CAPN13: variants seen among roughly 807,000 people sequenced by gnomAD.
The protein encoded by CAPN13 is calpain 13.
A neutral mutation model predicts 98.4 loss-of-function variants in CAPN13; 90 were observed. The ratio of observed to expected loss-of-function variants is 0.92; its 90% CI spans 0.77 to 1.09. The LOEUF (loss-of-function observed/expected upper bound fraction) is 1.09. Among genes scored for constraint, CAPN13 ranks in the 50% least tolerant of loss-of-function variants. CAPN13 has a pLI of 0.00. For synonymous variants in CAPN13, 330 were observed against 305.5 expected (o/e 1.08, Z -0.84); for missense variants, 887 against 841.3 (o/e 1.05, Z -0.67).
chr2:30,796,606 G>A lies in CAPN13; in HGVS notation c.-32-9249C>T, dbSNP rs546463077. On this transcript the variant is annotated intron_variant, in intron 1 of 22. Transcript: ENST00000295055. ...GTGGAAATCAAGAGCAATTAACCAAGCAGATAGCAGAATCAAAATTCTAAA... is the reference window on the plus strand; with the variant it reads ...GTGGAAATCAAGAGCAATTAACCAAACAGATAGCAGAATCAAAATTCTAAA... Among the ~76,000 whole-genome samples, 9 of 152,156 alleles carry A rather than the reference G, an allele frequency of 5.9e-5. No individual in the cohort carries two copies. The South Asian group carries it at 1.9e-3, about 32-fold the overall frequency.
chr2:30,798,024 C>T (rs915729031), intron 1 of CAPN13, among the ~76,000 whole-genome samples: 15 of 152,302 alleles, frequency 9.8e-5, no homozygotes, highest in East Asian at 3.9e-4. Context: ...GCAGTTCAGA[C>T]GGTGGAAGGA....
rs968631655 is a variant in CAPN13, at chr2:30,802,549, G to GC, written c.-33+4752_-33+4753insG. 2.5e-4 allele frequency among the ~76,000 whole-genome samples: 37 copies of GC among 150,424 alleles called. No individual in the cohort carries two copies. In the Middle Eastern group the frequency reaches 0.01, roughly 41 times the overall value. On this transcript the variant is annotated intron_variant, in intron 1 of 22. Transcript: ENST00000295055. ...AAGCAGAGAAAGGCAGGCTGGGGGG[G>GC]GGGGGTGGTGGTTAGACCTCTGAGG...
At chr2:30,734,628 C>T (rs932418899) in intron 18 of CAPN13, 104 bp from the exon 19 acceptor site, 21 of 857,462 alleles carry the variant, frequency 2.4e-5, no homozygotes, top group Non-Finnish European at 3.5e-5. Context: ...GAGGAAGGCA[C>T]GGTCACAGCA....
At chr2:30,748,091 G>T (rs66525035) in intron 11 of CAPN13, among the ~76,000 whole-genome samples, 10,280 of 152,270 alleles carry the variant, frequency 0.068, 630 homozygotes, top group African/African-American at 0.16. Context: ...CGTGTGTGCC[G>T]GGGCAGCTCT....
chr2:30,789,293 G>C (rs1674487603), intron 1 of CAPN13, among the ~76,000 whole-genome samples: 1 of 152,206 alleles, frequency 6.6e-6, no homozygotes, highest in African/African-American at 2.4e-5. Flanking sequence ...CATGCTCGGG[G>C]ACAGTGGAAC....
At chr2:30,759,678 G>C (rs946171947) in intron 7 of CAPN13, among the ~76,000 whole-genome samples, 1 of 152,214 alleles carries the variant, frequency 6.6e-6, no homozygotes, top group African/African-American at 2.4e-5. Flanking sequence ...GAGAAGCTGA[G>C]CAACTTTCTC....
At chr2:30,763,495 C>T (rs1672950331) in intron 6 of CAPN13, among the ~76,000 whole-genome samples, 1 of 152,218 alleles carries the variant, frequency 6.6e-6, no homozygotes. Flanking sequence ...ATCACTTGAC[C>T]CCCACATTGG....
chr2:30,758,783 TC>T (rs1672601908), intron 7 of CAPN13, among the ~76,000 whole-genome samples: 2 of 28,784 alleles, frequency 6.9e-5, no homozygotes, highest in African/African-American at 1.4e-4. Flanking sequence ...CCTCCCTCCC[TC>T]CCTTTCCTTT....
At chr2:30,750,976 C>G in intron 11 of CAPN13, 127 bp downstream of exon 11, 2 of 1,051,254 alleles carry the variant, frequency 1.9e-6, no homozygotes, top group South Asian at 3.3e-5. Flanking sequence ...AATGCTACAG[C>G]CTCTTTGGGC....
intron 5 of CAPN13, among the ~76,000 whole-genome samples, chr2:30,767,082 G>A (rs533417441): frequency 5.9e-5 from 9 of 152,336 alleles, no homozygotes; most frequent in African/African-American, 1.9e-4. Context: ...GGGATGGTGG[G>A]AAGGCATGGG....
chr2:30,735,361 C>A (rs1671306204), intron 18 of CAPN13, among the ~76,000 whole-genome samples: 1 of 152,202 alleles, frequency 6.6e-6, no homozygotes, highest in Non-Finnish European at 1.5e-5. Context: ...GCAAAGTACC[C>A]ACACACAGGC....
At chr2:30,785,705 A>G (rs1674237896) in intron 2 of CAPN13, among the ~76,000 whole-genome samples, 1 of 152,166 alleles carries the variant, frequency 6.6e-6, no homozygotes, top group Non-Finnish European at 1.5e-5. Context: ...ATTCTTCAAC[A>G]CTATAAATAT....
At chr2:30,789,560 C>T (rs779994641) in intron 1 of CAPN13, among the ~76,000 whole-genome samples, 4 of 152,126 alleles carry the variant, frequency 2.6e-5, no homozygotes, top group Non-Finnish European at 5.9e-5. Context: ...TCTGGGGGGC[C>T]CCCACTGTGC....
At chr2:30,743,252 G>T in intron 13 of CAPN13, 131 bp downstream of exon 13, 2 of 821,758 alleles carry the variant, frequency 2.4e-6, no homozygotes, top group Middle Eastern at 2.4e-4. Flanking sequence ...GCTCTAGAGT[G>T]GGGCCAATAT....
At chr2:30,738,564 A>G in intron 15 of CAPN13, 107 bp from the exon 16 acceptor site, 1 of 1,179,370 alleles carries the variant, frequency 8.5e-7, no homozygotes, top group Non-Finnish European at 1.2e-6. Context: ...CTTAGTCCCC[A>G]CAATGTACCC....
At chr2:30,761,501 G>A (rs561824207) in intron 7 of CAPN13, among the ~76,000 whole-genome samples, 1 of 152,178 alleles carries the variant, frequency 6.6e-6, no homozygotes, top group South Asian at 2.1e-4. Flanking sequence ...GCCTCTGCGG[G>A]GACTCATGCT....
chr2:30,758,811 C>T (rs908256061), intron 7 of CAPN13, among the ~76,000 whole-genome samples: 67 of 92,736 alleles, frequency 7.2e-4, no homozygotes, highest in African/African-American at 2.3e-3. Context: ...TCCCTCCCTT[C>T]CCTTCCTCCC....
At position 30,729,050 on chromosome 2, in the gene CAPN13, T is replaced by G. The variant is rs55731992; in HGVS notation, c.*30+1680A>C. ...CCAGAAGACAGAGACAGGTTTAGTATTCAGAAGACAGAAGAGAGAATTCAT... is the reference window on the plus strand; with the variant it reads ...CCAGAAGACAGAGACAGGTTTAGTAGTCAGAAGACAGAAGAGAGAATTCAT... On this transcript the variant is annotated intron_variant, in intron 22 of 22. Coordinates refer to ENST00000295055, the MANE Select transcript of CAPN13 (RefSeq NM_144575.3). 7.3e-3 allele frequency among the ~76,000 whole-genome samples: 1,113 copies of G among 152,302 alleles called. 2 individuals are homozygous for G. Among genetic ancestry groups the G allele is most frequent in the Non-Finnish European group, 0.012 (850 of 68,032 alleles).
At chr2:30,772,209 C>G (rs1031684523) in intron 4 of CAPN13, among the ~76,000 whole-genome samples, 2 of 152,198 alleles carry the variant, frequency 1.3e-5, no homozygotes, top group Admixed American at 1.3e-4. Context: ...GTTCATGCCT[C>G]TGGGTGGGGA....
Sources: allele counts gnomAD v4.1 joint callset (sites outside exome capture counted in the v4.1 genomes callset), GRCh38; gene constraint gnomAD v4.1.1; transcripts MANE v1.5; gene names NCBI Gene and HGNC (gene_info 2026-07-23, HGNC 2026-07-21).